Variants in ANKRD28 observed in about 807,000 individuals in gnomAD.
The protein encoded by ANKRD28 is ankyrin repeat domain 28.
In ANKRD28, 44 loss-of-function variants were observed where a neutral mutation model predicts 126.5. The ratio of observed to expected loss-of-function variants is 0.35; its 90% confidence interval spans 0.27 to 0.45. The LOEUF is 0.45. Among genes scored for constraint, ANKRD28 ranks in the 20% least tolerant of loss-of-function variants. The pLI is 1.00. For synonymous variants in ANKRD28, 442 were observed against 468.5 expected (o/e 0.94, Z 0.73); for missense variants, 1,110 against 1,316.6 (o/e 0.84, Z 2.43).
chr3:15,823,183 C>T (rs565909550), intron 1 of ANKRD28, among the ~76,000 whole-genome samples: 1 of 152,284 alleles, frequency 6.6e-6, no homozygotes, highest in South Asian at 2.1e-4. Context: ...ATTAGATTCT[C>T]CTAAGGAGTG....
At chr3:15,735,115 A>G (rs2074930127) in intron 6 of ANKRD28, among the ~76,000 whole-genome samples, 1 of 152,196 alleles carries the variant, frequency 6.6e-6, no homozygotes, top group Admixed American at 6.5e-5. Flanking sequence ...AAAAATGGGT[A>G]TAAGAATGGG....
At chr3:15,719,769 G>C (rs1218442452) in intron 8 of ANKRD28, among the ~76,000 whole-genome samples, 2 of 151,988 alleles carry the variant, frequency 1.3e-5, no homozygotes, top group African/African-American at 4.8e-5. Flanking sequence ...TGCCCAGGCT[G>C]GTCTTGAACT....
chr3:15,859,580 C>CCGCCCG (rs2061861474), exon 1 of ANKRD28: 1 of 222,778 alleles, frequency 4.5e-6, no homozygotes, highest in Non-Finnish European at 7.5e-6. Flanking sequence ...TCCCCGGCCG[C>CCGCCCG]CCGCCGCCGC....
rs369849931 is a variant in ANKRD28, at chr3:15,690,167, A to G, written c.1815T>C (p.Asp605=). The change falls in exon 18 of 28, where the codon GAT becomes GAC. Residue 605 remains aspartate, a synonymous_variant. Coordinates refer to ENST00000683139, the MANE Select transcript of ANKRD28 (RefSeq NM_001349278.2). ...ALEVLVQSLL[D]LDVRNSSGRT... ...TTCCACTACTATTTCTGACATCAAGATCTAACAAAGACTGTACCAACACTT... is the reference window on the plus strand; with the variant it reads ...TTCCACTACTATTTCTGACATCAAGGTCTAACAAAGACTGTACCAACACTT... 6.2e-7 allele frequency: 1 copy of G among 1,608,998 alleles called. No homozygotes were observed. Among genetic ancestry groups the G allele is most frequent in the African/African-American group, 1.3e-5 (1 of 74,886 alleles).
intron 2 of ANKRD28, among the ~76,000 whole-genome samples, chr3:15,767,834 G>A (rs2058821349): frequency 1.3e-5 from 2 of 151,088 alleles, no homozygotes; most frequent in South Asian, 4.2e-4. Context: ...CTTGCAGTGA[G>A]CTGAGATGGC....
At chr3:15,748,819 G>C (rs539816814) in intron 4 of ANKRD28, among the ~76,000 whole-genome samples, 12 of 151,996 alleles carry the variant, frequency 7.9e-5, no homozygotes, top group Non-Finnish European at 1.5e-4. Flanking sequence ...TCTTCCTCAG[G>C]AACACCAACT....
At chr3:15,744,354 C>T (rs1392372917) in intron 4 of ANKRD28, among the ~76,000 whole-genome samples, 1 of 152,088 alleles carries the variant, frequency 6.6e-6, no homozygotes, top group African/African-American at 2.4e-5. Context: ...ACTTTTGTCA[C>T]CCAGGCTGGA....
At chr3:15,850,215 A>G (rs1575821311) in intron 1 of ANKRD28, among the ~76,000 whole-genome samples, 1 of 84,104 alleles carries the variant, frequency 1.2e-5, no homozygotes, top group African/African-American at 4.1e-5. Context: ...ATATATATAT[A>G]TATATATATA....
Position 15,670,414 on chromosome 3 carries a change from G to A in ANKRD28, c.3108C>T (p.Thr1036=), listed in dbSNP as rs761004655. The A allele has an allele frequency of 1.2e-6, 2 of 1,613,926 alleles. No homozygotes were observed. Among genetic ancestry groups the A allele is most frequent in the Admixed American group, 1.7e-5 (1 of 59,998 alleles). ...TFNAINRYTN[T]SKTVSFEALP... ...AAGCTTCAAAGCTGACTGTTTTTGA[G>A]GTGTTGGTATAACGGTTAATGGCAT... is the stretch of plus-strand genomic sequence containing the variant. Residue 1036 remains threonine (T), a synonymous_variant, in exon 28 of 28, where the codon ACC becomes ACT. Coordinates refer to ENST00000683139, the MANE Select transcript of ANKRD28 (RefSeq NM_001349278.2).
chr3:15,822,218 C>T (rs1436794879), intron 1 of ANKRD28, among the ~76,000 whole-genome samples: 2 of 152,148 alleles, frequency 1.3e-5, no homozygotes, highest in African/African-American at 2.4e-5. Flanking sequence ...CTGTAAGAAG[C>T]TTGGCTGAGC....
chr3:15,719,631 C>T (rs571555124), intron 8 of ANKRD28, among the ~76,000 whole-genome samples: 4 of 152,068 alleles, frequency 2.6e-5, no homozygotes, highest in African/African-American at 4.8e-5. Context: ...TACAGTGGTG[C>T]GATCATAGTT....
At chr3:15,842,486 A>G (rs2061444068) in intron 1 of ANKRD28, among the ~76,000 whole-genome samples, 1 of 152,174 alleles carries the variant, frequency 6.6e-6, no homozygotes, top group African/African-American at 2.4e-5. Context: ...GTAGAAAAAA[A>G]TAGAAAGAAT....
intron 1 of ANKRD28, among the ~76,000 whole-genome samples, chr3:15,807,378 T>C (rs1205165508): frequency 5.3e-5 from 8 of 152,146 alleles, no homozygotes; most frequent in Non-Finnish European, 1.2e-4. Context: ...GACGTGGACA[T>C]ACAAACAAAA....
chr3:15,777,419 G>GATCT (rs1308025045), intron 2 of ANKRD28, among the ~76,000 whole-genome samples: 3 of 152,136 alleles, frequency 2.0e-5, no homozygotes, highest in African/African-American at 7.2e-5. Flanking sequence ...TATTACCAGA[G>GATCT]ATCTGTGCAA....
upstream of ANKRD28, chr3:15,798,025 A>G: frequency 1.0e-6 from 1 of 985,426 alleles, no homozygotes; most frequent in Non-Finnish European, 1.2e-6. Context: ...AGAAAAAAAT[A>G]GTGCATTTGG....
chr3:15,782,095 G>A (rs894450775), intron 2 of ANKRD28, among the ~76,000 whole-genome samples: 2 of 152,100 alleles, frequency 1.3e-5, no homozygotes, highest in Non-Finnish European at 1.5e-5. Flanking sequence ...CCATTTAGAG[G>A]GCCACAAATC....
rs1339323426 is a variant in ANKRD28, at chr3:15,687,722, G to C, written c.1964-1413C>G. Among the ~76,000 whole-genome samples the C allele has an allele frequency of 2.6e-5, 4 of 152,252 alleles. No homozygotes were observed. In the East Asian group the frequency reaches 5.8e-4, roughly 22 times the overall value. ...TCTCCTACCCTAGTCCAATCTGTAT[G>C]CTGCACTCTGCCAGCAGCTCTCACA... On this transcript the variant is annotated intron_variant, in intron 18 of 27. Transcript: ENST00000683139.
intron 6 of ANKRD28, among the ~76,000 whole-genome samples, chr3:15,735,165 T>C (rs559214014): frequency 1.3e-5 from 2 of 152,256 alleles, no homozygotes; most frequent in South Asian, 2.1e-4. Flanking sequence ...ATTCCAGGCC[T>C]GTGTCTGGGA....
At chr3:15,716,092 C>G (rs562421130) in intron 8 of ANKRD28, among the ~76,000 whole-genome samples, 1 of 151,310 alleles carries the variant, frequency 6.6e-6, no homozygotes, top group African/African-American at 2.4e-5. Context: ...AAGTGATTCT[C>G]CTGCCTCAGC....
Sources: allele counts gnomAD v4.1 joint callset (sites outside exome capture counted in the v4.1 genomes callset), GRCh38; gene constraint gnomAD v4.1.1; transcripts MANE v1.5; gene names NCBI Gene and HGNC (gene_info 2026-07-23, HGNC 2026-07-21).